The following CCL15 variants were observed in gnomAD, a reference collection of about 807,000 sequenced individuals.
The protein encoded by CCL15 is C-C motif chemokine ligand 15, also known as C-C motif chemokine 15.
In CCL15, 8 loss-of-function variants were observed where a neutral mutation model predicts 10.6. The observed-to-expected ratio is 0.75, with a 90% confidence interval of 0.44 to 1.36. CCL15 has a LOEUF of 1.36. CCL15 is among the 40% of genes most tolerant of loss of function. The pLI, the probability that CCL15 is intolerant of heterozygous loss-of-function variation, is 0.00. For missense variants in CCL15, 128 were observed against 136.6 expected, an observed-to-expected ratio of 0.94 and a Z score of 0.32; for synonymous variants, 51 against 48.8, an observed-to-expected ratio of 1.04 and a Z score of -0.19.
At chr17:35,999,450 G>T (rs1269471431) in intron 1 of CCL15, among the ~76,000 whole-genome samples, 1 of 151,570 alleles carries the variant, frequency 6.6e-6, no homozygotes, top group Non-Finnish European at 1.5e-5. Flanking sequence ...GTACCATCTA[G>T]GTATGTATTA....
rs756457772 is a variant in CCL15 at position 36,001,464 on chromosome 17, C to T, written c.29G>A (p.Cys10Tyr). The T allele has an allele frequency of 6.8e-6, 11 of 1,613,848 alleles. No homozygotes were observed. In the African/African-American group the frequency reaches 8.0e-5, roughly 12 times the overall value. Reference protein sequence around the residue: MKVSVAALSCLMLVAVLGSQ... With the variant: MKVSVAALSYLMLVAVLGSQ... Reference sequence around the variant, plus strand: ...TCCAAGGACAGCAACAAGCATGAGGCAGGAGAGGGCAGCCACGGAGACCTT... The same window carrying T: ...TCCAAGGACAGCAACAAGCATGAGGTAGGAGAGGGCAGCCACGGAGACCTT... Residue 10 changes from cysteine (C) to tyrosine (Y), a missense_variant, in exon 1 of 4, where the codon TGC (cysteine) becomes TAC (tyrosine). Coordinates refer to ENST00000617897, the MANE Select transcript of CCL15 (RefSeq NM_032965.6).
At chr17:35,998,621 C>T (rs751916524) in intron 2 of CCL15, among the ~76,000 whole-genome samples, 1 of 152,262 alleles carries the variant, frequency 6.6e-6, no homozygotes, top group African/African-American at 2.4e-5. Flanking sequence ...CATCTGCAGA[C>T]ACCTGCAGGC....
rs143696253 is a variant in CCL15, at chr17:35,999,295, G to A, written c.77-370C>T. On this transcript the variant is annotated intron_variant, in intron 1 of 3. Coordinates refer to ENST00000617897, the MANE Select transcript of CCL15 (RefSeq NM_032965.6). Reference sequence around the variant, plus strand: ...CTGGAAACAGAGAGGTTTTATCAGCGTTTATGGTGGCACAGTATCCCCTTA... The same window carrying A: ...CTGGAAACAGAGAGGTTTTATCAGCATTTATGGTGGCACAGTATCCCCTTA... Among the ~76,000 whole-genome samples the A allele has an allele frequency of 3.1e-3, 477 of 152,222 alleles. 4 individuals are homozygous for A. The highest frequency in any genetic ancestry group is 0.011 in the African/African-American group (442 of 41,538).
intron 2 of CCL15, 36 bp downstream of exon 2, chr17:35,998,830 G>T (rs747600936): frequency 3.8e-5 from 58 of 1,545,336 alleles, no homozygotes; most frequent in Non-Finnish European, 5.1e-5. Flanking sequence ...GCACCTGCTG[G>T]CTGCTTTTAA....
At position 35,998,471 on chromosome 17, in the gene CCL15, T is replaced by A. The variant is rs1005250133; in HGVS notation, c.137-80A>T. 3.0e-4 allele frequency: 285 copies of A among 956,974 alleles called. 2 individuals are homozygous for A. Among genetic ancestry groups the A allele is most frequent in the South Asian group, 1.6e-3 (118 of 73,592 alleles). 59.3% of individuals were successfully genotyped at this position (956,974 alleles called of 1,614,324 possible). A position where few individuals can be genotyped will look rare whatever the true frequency, so the allele number is the denominator to read the frequency against. On this transcript the variant is annotated intron_variant, in intron 2 of 3. Transcript: ENST00000617897. ...TGGAGGGTGAGAAGGCACAAGCCTCTGAAGACATGTTTCTCCTCCTCGGCT... is the reference window on the plus strand; with the variant it reads ...TGGAGGGTGAGAAGGCACAAGCCTCAGAAGACATGTTTCTCCTCCTCGGCT...
Position 35,997,695 on chromosome 17 carries a change from T to G in CCL15, c.*72A>C, listed in dbSNP as rs2089931216. 1.5e-5 allele frequency: 13 copies of G among 842,626 alleles called. No individual in the cohort carries two copies. Among genetic ancestry groups the G allele is most frequent in the Admixed American group, 5.9e-5 (3 of 50,474 alleles). 52.2% of individuals were successfully genotyped at this position (842,626 alleles called of 1,614,324 possible). A position where few individuals can be genotyped will look rare whatever the true frequency, so the allele number is the denominator to read the frequency against. On this transcript the variant is annotated 3_prime_UTR_variant, in exon 4 of 4. Transcript: ENST00000617897. ...CAGACACAACAATATATATATTTTT[T>G]AAGTATTTCAGACCAAGAAACTCAC...
intron 1 of CCL15, among the ~76,000 whole-genome samples, chr17:36,000,128 G>A (rs1231767372): frequency 1.7e-4 from 24 of 143,198 alleles, no homozygotes; most frequent in African/African-American, 6.5e-4. Context: ...TCCAGCCTGG[G>A]CGACAGAGTG....
chr17:35,998,201 G>A (rs1169692895), intron 3 of CCL15, 79 bp downstream of exon 3: 3 of 897,840 alleles, frequency 3.3e-6, no homozygotes, highest in African/African-American at 1.6e-5. Flanking sequence ...CCCGATGGAC[G>A]CCCATCCGTC....
intron 1 of CCL15, among the ~76,000 whole-genome samples, chr17:36,000,078 G>A (rs1371204739): frequency 2.0e-5 from 3 of 150,894 alleles, no homozygotes; most frequent in Admixed American, 1.3e-4. Context: ...GTGAACCGGG[G>A]AGGCGGAGCT....
rs747391158 is a variant in CCL15 at position 35,998,380 on chromosome 17, C to T, written c.148G>A (p.Ala50Thr). The T allele has an allele frequency of 1.2e-6, 2 of 1,613,184 alleles. No individual in the cohort carries two copies. The highest frequency in any genetic ancestry group is 3.3e-5 in the Admixed American group (2 of 59,958). ...NPVVLNSFHFAADCCTSYISQ... is the reference protein window; with the variant it reads ...NPVVLNSFHFTADCCTSYISQ... The stretch of plus-strand genomic sequence containing the variant: ...ATGTAGGAGGTGCAGCAGTCAGCAG[C>T]AAAGTGAAAGCCTGCAGCAAGAGAA... Residue 50 changes from alanine (A) to threonine (T), a missense_variant, in exon 3 of 4, where the codon GCT becomes ACT. By Grantham distance (58) the Ala-to-Thr change is moderately conservative. Coordinates refer to ENST00000617897, the MANE Select transcript of CCL15 (RefSeq NM_032965.6).
Position 36,001,443 on chromosome 17 carries a change from AG to A in CCL15, c.49del (p.Gly18AspfsTer14). The A allele has an allele frequency of 6.2e-7, 1 of 1,614,134 alleles. No individual in the cohort carries two copies. The highest frequency in any genetic ancestry group is 8.5e-7 in the Non-Finnish European group (1 of 1,180,004). On this transcript the variant is annotated frameshift_variant, in exon 1 of 4. Transcript: ENST00000617897. LOFTEE classifies it high-confidence loss of function. ...ATTTGTGAACTGGGCCTGGGATCCA[AG>A]GACAGCAACAAGCATGAGGCAGGAG... is the stretch of plus-strand genomic sequence containing the variant. ...ALSCLMLVAV[L>X]GSQAQFTNDA...
rs759257251 is a variant in CCL15, at chr17:36,001,409, G to A, written c.76+8C>T. 5.0e-6 allele frequency: 8 copies of A among 1,613,918 alleles called. No homozygotes were observed. Among genetic ancestry groups the A allele is most frequent in the African/African-American group, 2.7e-5 (2 of 74,904 alleles). The stretch of plus-strand genomic sequence containing the variant: ...CTGGTCACCTGGGAGAAAGCTCACT[G>A]GACTCACCATTTGTGAACTGGGCCT... On this transcript the variant is annotated splice_region_variant and intron_variant, in intron 1 of 3. Coordinates refer to ENST00000617897, the MANE Select transcript of CCL15 (RefSeq NM_032965.6).
At chr17:36,000,150 C>CAA (rs71157587) in intron 1 of CCL15, among the ~76,000 whole-genome samples, 4,792 of 63,530 alleles carry the variant, frequency 0.075, 522 homozygotes, top group African/African-American at 0.23. Flanking sequence ...GACTCCATCT[C>CAA]AAAAAAAAAA....
chr17:36,001,387 G>A (rs941372574), intron 1 of CCL15, 30 bp downstream of exon 1: 12 of 1,613,716 alleles, frequency 7.4e-6, no homozygotes, highest in East Asian at 2.2e-5. Flanking sequence ...CATGGACCTG[G>A]TCACCTGGGA....
intron 1 of CCL15, among the ~76,000 whole-genome samples, chr17:36,000,007 C>T (rs903096544): frequency 9.3e-5 from 14 of 151,066 alleles, no homozygotes; most frequent in East Asian, 5.9e-4. Flanking sequence ...AAAAATTAGC[C>T]GGGCGTGGTG....
Position 36,001,547 on chromosome 17 carries a change from G to C in CCL15, c.-55C>G. 6.2e-7 allele frequency: 1 copy of C among 1,607,072 alleles called. No individual in the cohort carries two copies. Among genetic ancestry groups the C allele is most frequent in the South Asian group, 1.1e-5 (1 of 90,110 alleles). ...GGACTCCTGGGCTCACTGCTTCCTG[G>C]CTCCCCGGGATACCAGCTCTGCCCT... On this transcript the variant is annotated 5_prime_UTR_variant, in exon 1 of 4. Coordinates refer to ENST00000617897, the MANE Select transcript of CCL15 (RefSeq NM_032965.6).
chr17:36,000,695 C>T (rs1386747631), intron 1 of CCL15, among the ~76,000 whole-genome samples: 1 of 152,016 alleles, frequency 6.6e-6, no homozygotes, highest in African/African-American at 2.4e-5. Context: ...TATCCCTATA[C>T]CCCAAAGCCT....
chr17:35,997,766 A>T lies in CCL15; in HGVS notation c.*1T>A, dbSNP rs762671946. On this transcript the variant is annotated 3_prime_UTR_variant, in exon 4 of 4. Coordinates refer to ENST00000617897, the MANE Select transcript of CCL15 (RefSeq NM_032965.6). ...GGCTGGCCTCTTTTGTCTCTTTATT[A>T]TTATATTGAGTAGGGCTTCAGCTTT... 1 of 1,607,792 alleles carries T rather than the reference A, an allele frequency of 6.2e-7. No individual in the cohort carries two copies. Among genetic ancestry groups the T allele is most frequent in the African/African-American group, 1.3e-5 (1 of 74,770 alleles).
At position 36,001,519 on chromosome 17, in the gene CCL15, C is replaced by T. The variant is rs149801302; in HGVS notation, c.-27G>A. 1.9e-5 allele frequency: 30 copies of T among 1,612,266 alleles called. No homozygotes were observed. Among genetic ancestry groups the T allele is most frequent in the African/African-American group, 1.5e-4 (11 of 74,972 alleles). ...CTCCTGGTGGGCAGGCAGGGCTGGCCGAGGACTCCTGGGCTCACTGCTTCC... is the reference window on the plus strand; with the variant it reads ...CTCCTGGTGGGCAGGCAGGGCTGGCTGAGGACTCCTGGGCTCACTGCTTCC... On this transcript the variant is annotated 5_prime_UTR_variant, in exon 1 of 4. Coordinates refer to ENST00000617897, the MANE Select transcript of CCL15 (RefSeq NM_032965.6).
Sources: allele counts gnomAD v4.1 joint callset (sites outside exome capture counted in the v4.1 genomes callset), GRCh38; gene constraint gnomAD v4.1.1; transcripts MANE v1.5; gene names NCBI Gene and HGNC (gene_info 2026-07-23, HGNC 2026-07-21).